Variants in RAI1 observed in about 807,000 individuals in gnomAD.
RAI1 encodes the protein retinoic acid-induced protein 1.
In RAI1, 9 loss-of-function variants were observed where a neutral mutation model predicts 123.8. The ratio of observed to expected loss-of-function variants is 0.07; its 90% confidence interval spans 0.04 to 0.13. The LOEUF is 0.13. Among genes scored for constraint, RAI1 ranks in the 10% least tolerant of loss-of-function variants. The pLI, the probability that RAI1 is intolerant of heterozygous loss-of-function variation, is 1.00. For synonymous variants in RAI1, 1,231 were observed against 1,127.3 expected, an observed-to-expected ratio of 1.09 and a Z score of -1.84; for missense variants, 2,256 against 2,545.8, an observed-to-expected ratio of 0.89 and a Z score of 2.45.
intron 1 of RAI1, among the ~76,000 whole-genome samples, chr17:17,699,247 A>G (rs1250879196): frequency 6.6e-6 from 1 of 152,136 alleles, no homozygotes; most frequent in East Asian, 1.9e-4. Context: ...CAGGGCCCTC[A>G]AGACATCTGT....
intron 2 of RAI1, among the ~76,000 whole-genome samples, chr17:17,792,330 TGC>T (rs775132923): frequency 2.0e-5 from 3 of 151,692 alleles, no homozygotes; most frequent in African/African-American, 7.3e-5. Flanking sequence ...TGTGTGTGTG[TGC>T]GCGCGTGTGT....
chr17:17,773,959 A>C (rs1425434388), intron 2 of RAI1, among the ~76,000 whole-genome samples: 2 of 152,190 alleles, frequency 1.3e-5, no homozygotes, highest in African/African-American at 4.8e-5. Flanking sequence ...ATTTAACTGC[A>C]TCTATAATCT....
intron 2 of RAI1, among the ~76,000 whole-genome samples, chr17:17,764,620 C>G (rs961392833): frequency 6.6e-6 from 1 of 152,148 alleles, no homozygotes; most frequent in Non-Finnish European, 1.5e-5. Flanking sequence ...TTACAGGTGC[C>G]TGCCACCACG....
rs2032423879 is a variant in RAI1 at position 17,800,454 on chromosome 17, G to T, written c.5565+1941G>T. Among the ~76,000 whole-genome samples the T allele has an allele frequency of 6.6e-5, 10 of 152,216 alleles. No individual in the cohort carries two copies. The highest frequency in any genetic ancestry group is 6.5e-4 in the Admixed American group (10 of 15,282). On this transcript the variant is annotated intron_variant, in intron 3 of 5. Transcript: ENST00000353383. This position sits in a 1 kb window ranked among gnomAD's most constrained non-coding sequence, Gnocchi z 4.7. ...AGATCAGGTCGTCTCCACATCCCCT[G>T]CAGCCAGCACTGGCCGGCCGAAGGG...
intron 2 of RAI1, among the ~76,000 whole-genome samples, chr17:17,789,906 C>T (rs1256817263): frequency 2.0e-5 from 3 of 152,058 alleles, no homozygotes; most frequent in African/African-American, 7.2e-5. Flanking sequence ...GGGGTGCCCT[C>T]CCTTGTCCCC....
chr17:17,795,298 A>G lies in RAI1; in HGVS notation c.2350A>G (p.Thr784Ala), dbSNP rs775434938. 2 of 1,609,424 alleles carry G rather than the reference A, an allele frequency of 1.2e-6. No homozygotes were observed. Among genetic ancestry groups the G allele is most frequent in the South Asian group, 2.2e-5 (2 of 91,040 alleles). Residue 784 changes from threonine to alanine, a missense_variant, in exon 3 of 6, where the codon ACC (threonine) becomes GCC (alanine). Thr to Ala is a moderately conservative substitution (Grantham distance 58). This residue lies in a region of RAI1 where 566 missense variants were observed against 616.0 expected (regional missense o/e 0.92). Transcript: ENST00000353383. This position sits in a 1 kb window ranked among gnomAD's most constrained non-coding sequence, Gnocchi z 5.9. ...KASDGISKGD[T>A]HEASACLGFQ... ...CTCAGATGGCATCAGCAAAGGGGAC[A>G]CCCATGAGGCTTCGGCCTGCCTGGG... is the stretch of plus-strand genomic sequence containing the variant.
At chr17:17,756,940 A>G (rs773970325) in intron 2 of RAI1, among the ~76,000 whole-genome samples, 3 of 152,188 alleles carry the variant, frequency 2.0e-5, no homozygotes, top group Non-Finnish European at 4.4e-5. Flanking sequence ...TATTAACCGC[A>G]TGCCCATTGC....
chr17:17,783,297 G>C (rs1330121836), intron 2 of RAI1, among the ~76,000 whole-genome samples: 1 of 152,028 alleles, frequency 6.6e-6, no homozygotes, highest in East Asian at 1.9e-4. Flanking sequence ...GCGCGCTGCC[G>C]GCAGAGCCCG....
intron 2 of RAI1, among the ~76,000 whole-genome samples, chr17:17,749,217 G>C (rs1211097348): frequency 6.6e-6 from 1 of 152,236 alleles, no homozygotes; most frequent in Non-Finnish European, 1.5e-5. Flanking sequence ...CCTCCCCAGA[G>C]AGCCAGTGCT....
chr17:17,779,192 T>C (rs115772285), intron 2 of RAI1: 4,940 of 339,858 alleles, frequency 0.015, 188 homozygotes, highest in African/African-American at 0.084. Flanking sequence ...GCCTCCCGGG[T>C]GGCCCCAGGC....
At chr17:17,761,881 G>A (rs1344251650) in intron 2 of RAI1, among the ~76,000 whole-genome samples, 2 of 152,160 alleles carry the variant, frequency 1.3e-5, no homozygotes, top group Non-Finnish European at 2.9e-5. Flanking sequence ...GCGAGGGCAG[G>A]TGGGGGGATG....
intron 2 of RAI1, among the ~76,000 whole-genome samples, chr17:17,742,023 G>T (rs1014960349): frequency 1.3e-5 from 2 of 152,258 alleles, no homozygotes; most frequent in Admixed American, 6.5e-5. Context: ...TAATAAAAAG[G>T]AATTACGTTT....
chr17:17,697,903 C>G (rs1915090614), intron 1 of RAI1, among the ~76,000 whole-genome samples: 1 of 152,194 alleles, frequency 6.6e-6, no homozygotes, highest in African/African-American at 2.4e-5. Context: ...GTGTGCATGT[C>G]CTGTGGTGTG....
At chr17:17,778,176 C>T (rs1334570576) in intron 2 of RAI1, 3 of 154,534 alleles carry the variant, frequency 1.9e-5, no homozygotes, top group Non-Finnish European at 1.4e-5. Context: ...TTGAGGAGCA[C>T]TGAGACTCAG....
chr17:17,756,663 C>T lies in RAI1; in HGVS notation c.-17+32504C>T, dbSNP rs370111874. On this transcript the variant is annotated intron_variant, in intron 2 of 5. Coordinates refer to ENST00000353383, the MANE Select transcript of RAI1 (RefSeq NM_030665.4). ...ATAGAGTCTTCCGCAAATCCTTGAGCGCCTACTACGTGCTAATCTGTCCCA... is the reference window on the plus strand; with the variant it reads ...ATAGAGTCTTCCGCAAATCCTTGAGTGCCTACTACGTGCTAATCTGTCCCA... Among the ~76,000 whole-genome samples, 179 of 152,236 alleles carry T rather than the reference C, an allele frequency of 1.2e-3. 1 individual carries two copies. Among genetic ancestry groups the T allele is most frequent in the African/African-American group, 4.1e-3 (170 of 41,534 alleles).
chr17:17,709,118 C>T (rs541534098), intron 1 of RAI1, among the ~76,000 whole-genome samples: 5 of 152,132 alleles, frequency 3.3e-5, no homozygotes, highest in Admixed American at 3.3e-4. Flanking sequence ...CAGCAGCCAC[C>T]CGGGGACCAT....
intron 2 of RAI1, among the ~76,000 whole-genome samples, chr17:17,773,663 TCTC>T (rs1377002307): frequency 6.6e-6 from 1 of 152,126 alleles, no homozygotes; most frequent in Non-Finnish European, 1.5e-5. Flanking sequence ...AGATGGCACC[TCTC>T]CTGATGCCCA....
At chr17:17,730,876 G>T (rs549078366) in intron 2 of RAI1, among the ~76,000 whole-genome samples, 1 of 152,364 alleles carries the variant, frequency 6.6e-6, no homozygotes, top group African/African-American at 2.4e-5. Flanking sequence ...AGCTTTGCCG[G>T]TGTCACTCTT....
At chr17:17,725,865 A>AGG (rs149676725) in intron 2 of RAI1, among the ~76,000 whole-genome samples, 1 of 151,788 alleles carries the variant, frequency 6.6e-6, no homozygotes, top group African/African-American at 2.4e-5. Context: ...TTTGAGAGGG[A>AGG]GGGGGGCGGC....
Sources: allele counts gnomAD v4.1 joint callset (sites outside exome capture counted in the v4.1 genomes callset), GRCh38; gene constraint gnomAD v4.1.1; regional missense constraint gnomAD v4.1.1; non-coding constraint Gnocchi (gnomAD v3.1); transcripts MANE v1.5; gene names NCBI Gene and HGNC (gene_info 2026-07-23, HGNC 2026-07-21).